GTF2H3: variants seen among roughly 807,000 people sequenced by gnomAD.
The protein encoded by GTF2H3 is general transcription factor IIH subunit 3.
Under a neutral mutation model 51.1 loss-of-function variants are expected in GTF2H3, and 42 were observed. The observed-to-expected ratio is 0.82, with a 90% confidence interval of 0.64 to 1.06. The LOEUF is 1.06. Ranked by LOEUF, GTF2H3 falls within the 50% of genes least tolerant of loss-of-function variation. The probability of loss-of-function intolerance (pLI) is 0.00; values close to 1 mark genes in which losing one functional copy is unlikely to be tolerated. For missense variants in GTF2H3, 326 were observed against 366.1 expected (o/e 0.89, Z 0.89); for synonymous variants, 123 against 123.8 (o/e 0.99, Z 0.04).
chr12:123,644,243 C>G (rs2135784765), intron 2 of GTF2H3, among the ~76,000 whole-genome samples: 1 of 152,122 alleles, frequency 6.6e-6, no homozygotes, highest in African/African-American at 2.4e-5. Flanking sequence ...TAGTTTGTTA[C>G]TAGAGAAGTT....
At position 123,640,006 on chromosome 12, in the gene GTF2H3, G is replaced by A. The variant is rs570459758; in HGVS notation, c.93+663G>A. The A allele has an allele frequency of 1.1e-3, 487 of 455,154 alleles. 1 individual carries two copies. Among genetic ancestry groups the A allele is most frequent in the Non-Finnish European group, 1.8e-3 (413 of 226,402 alleles). The allele number at this position is 455,154 out of a possible 1,614,324, so 28.2% of individuals were successfully genotyped here. On this transcript the variant is annotated intron_variant, in intron 2 of 12. Coordinates refer to ENST00000543341, the MANE Select transcript of GTF2H3 (RefSeq NM_001516.5). ...CCCGAGTACTTGGGACTACAGGTGC[G>A]TACCACCATGCTCAGCTAATTGTTT...
chr12:123,650,833 A>G (rs953168611), intron 4 of GTF2H3, among the ~76,000 whole-genome samples, 161 bp from the exon 5 acceptor site: 3 of 152,240 alleles, frequency 2.0e-5, no homozygotes, highest in Non-Finnish European at 4.4e-5. Context: ...TACCAAGAAC[A>G]CATTGCTATG....
At chr12:123,641,449 C>T (rs1220346872) in intron 2 of GTF2H3, among the ~76,000 whole-genome samples, 2 of 151,804 alleles carry the variant, frequency 1.3e-5, no homozygotes, top group Non-Finnish European at 2.9e-5. Context: ...TGATCTTGAA[C>T]TCCTGACCTC....
intron 1 of GTF2H3, among the ~76,000 whole-genome samples, chr12:123,637,476 A>G (rs968505142): frequency 6.6e-6 from 1 of 151,830 alleles, no homozygotes; most frequent in Non-Finnish European, 1.5e-5. Context: ...ATCTTGACGT[A>G]GGAATTGCTT....
chr12:123,634,477 A>G (rs913248073), intron 1 of GTF2H3, among the ~76,000 whole-genome samples: 4 of 152,350 alleles, frequency 2.6e-5, no homozygotes, highest in African/African-American at 9.6e-5. Context: ...TCAAAGGATG[A>G]AAAGAGCTAT....
At position 123,659,514 on chromosome 12, in the gene GTF2H3, A is replaced by G. The variant is rs1483408609; in HGVS notation, c.616-2A>G. On this transcript the variant is annotated splice_acceptor_variant, in intron 9 of 12. Coordinates refer to ENST00000543341, the MANE Select transcript of GTF2H3 (RefSeq NM_001516.5). LOFTEE classifies it high-confidence loss of function. ...TGGCAGCAAGCCGCCTGTGTCTTGC[A>G]GGCTTGTGACATCACGGGAGGACTG... 6.2e-7 allele frequency: 1 copy of G among 1,614,004 alleles called. No homozygotes were observed. The highest frequency in any genetic ancestry group is 1.3e-5 in the African/African-American group (1 of 74,944).
Position 123,660,054 on chromosome 12 carries a change from A to C in GTF2H3, c.829A>C (p.Asn277His). 6.2e-7 allele frequency: 1 copy of C among 1,602,244 alleles called. No homozygotes were observed. Among genetic ancestry groups the C allele is most frequent in the Non-Finnish European group, 8.5e-7 (1 of 1,177,186 alleles). The change falls in exon 12 of 13, where the codon AAT (asparagine) becomes CAT (histidine). Residue 277 changes from asparagine (N) to histidine (H), a missense_variant. Coordinates refer to ENST00000543341, the MANE Select transcript of GTF2H3 (RefSeq NM_001516.5). ...VCSVCLSIFC[N>H]FSPICTTCET... is the part of the protein sequence containing the mutation. ...TTTTTTTTAATTTACAGTATTCTGC[A>C]ATTTCAGCCCCATTTGTACTACGTG...
chr12:123,648,069 C>T lies in GTF2H3; in HGVS notation c.307C>T (p.Leu103Phe). Residue 103 changes from leucine to phenylalanine, a missense_variant, in exon 4 of 13, where the codon CTT (leucine) becomes TTT (phenylalanine). Leu to Phe is a conservative substitution (Grantham distance 22). Coordinates refer to ENST00000543341, the MANE Select transcript of GTF2H3 (RefSeq NM_001516.5). ...TGGGAGTAAAGATGGAAAATACGAA[C>T]TTTTAACCTCAGCAAATGAAGTTAT... ...PSGSKDGKYE[L>F]LTSANEVIVE... The T allele has an allele frequency of 1.2e-6, 2 of 1,611,690 alleles. No homozygotes were observed. The highest frequency in any genetic ancestry group is 1.7e-6 in the Non-Finnish European group (2 of 1,177,966).
At position 123,654,959 on chromosome 12, in the gene GTF2H3, T is replaced by C. The variant is rs749151812; in HGVS notation, c.522T>C (p.Tyr174=). The C allele has an allele frequency of 2.5e-6, 4 of 1,613,480 alleles. No individual in the cohort carries two copies. Among genetic ancestry groups the C allele is most frequent in the East Asian group, 2.2e-5 (1 of 44,896 alleles). Residue 174 remains tyrosine, a synonymous_variant, in exon 8 of 13, where the codon TAT becomes TAC. Coordinates refer to ENST00000543341, the MANE Select transcript of GTF2H3 (RefSeq NM_001516.5). ...IKAAEDSALQ[Y]MNFMNVIFAA... The stretch of plus-strand genomic sequence containing the variant: ...CTGCAGAAGACAGTGCGTTGCAGTA[T>C]ATGAACTTCATGAATGTCATCTTTG...
intron 1 of GTF2H3, among the ~76,000 whole-genome samples, chr12:123,638,932 ACTACAGG>A (rs1955327932): frequency 6.7e-6 from 1 of 150,358 alleles, no homozygotes; most frequent in South Asian, 2.1e-4. Flanking sequence ...AGTAGCTGGG[ACTACAGG>A]CGCCCACCAC....
rs770019312 is a variant in GTF2H3, at chr12:123,655,808, C to T, written c.599C>T (p.Ser200Leu). ...GATGCCTGTGTTTTAGACTCCGACT[C>T]AGGGCTCCTCCAACAGGTATGTTTT... is the stretch of plus-strand genomic sequence containing the variant. ...LIDACVLDSD[S>L]GLLQQACDIT... is the part of the protein sequence containing the mutation. The change falls in exon 9 of 13, where the codon TCA becomes TTA. Residue 200 changes from serine to leucine, a missense_variant. Coordinates refer to ENST00000543341, the MANE Select transcript of GTF2H3 (RefSeq NM_001516.5). 2 of 1,600,528 alleles carry T rather than the reference C, an allele frequency of 1.2e-6. No individual in the cohort carries two copies. The highest frequency in any genetic ancestry group is 1.7e-6 in the Non-Finnish European group (2 of 1,168,446).
intron 2 of GTF2H3, among the ~76,000 whole-genome samples, chr12:123,643,038 A>T (rs1426655697): frequency 6.6e-6 from 1 of 152,008 alleles, no homozygotes; most frequent in African/African-American, 2.4e-5. Context: ...TGCCCAGCTA[A>T]TTTTTTGTGT....
At chr12:123,637,983 T>TTTTG (rs202238371) in intron 1 of GTF2H3, among the ~76,000 whole-genome samples, 2,747 of 151,512 alleles carry the variant, frequency 0.018, 64 homozygotes, top group African/African-American at 0.058. Flanking sequence ...CAGTAGGTGG[T>TTTTG]TTTGTTTGTT....
chr12:123,657,688 A>T (rs918621986), intron 9 of GTF2H3, among the ~76,000 whole-genome samples: 1 of 152,190 alleles, frequency 6.6e-6, no homozygotes, highest in African/African-American at 2.4e-5. Flanking sequence ...CTCCACTAGA[A>T]CCTTAACTTC....
chr12:123,644,437 G>A (rs2135784950), intron 2 of GTF2H3, among the ~76,000 whole-genome samples: 1 of 152,230 alleles, frequency 6.6e-6, no homozygotes, highest in Admixed American at 6.5e-5. Context: ...GGAGGCCGAG[G>A]CGGGCGGATC....
At chr12:123,640,776 A>G (rs577502498) in intron 2 of GTF2H3, among the ~76,000 whole-genome samples, 4 of 152,190 alleles carry the variant, frequency 2.6e-5, no homozygotes, top group African/African-American at 9.7e-5. Context: ...CCTCACTCAT[A>G]AATTTATGTA....
At chr12:123,646,138 G>A (rs1172018203) in intron 3 of GTF2H3, among the ~76,000 whole-genome samples, 2 of 152,104 alleles carry the variant, frequency 1.3e-5, no homozygotes, top group Non-Finnish European at 2.9e-5. Context: ...CAGCTGATGT[G>A]TAAATGTGAC....
intron 1 of GTF2H3, among the ~76,000 whole-genome samples, chr12:123,636,913 G>A (rs889276186): frequency 2.4e-4 from 36 of 151,014 alleles, no homozygotes; most frequent in Admixed American, 2.2e-3. Flanking sequence ...GCAAAACTCC[G>A]TCTCAAAAAA....
chr12:123,649,427 G>A (rs1313382172), intron 4 of GTF2H3: 1 of 152,282 alleles, frequency 6.6e-6, no homozygotes, highest in Non-Finnish European at 1.5e-5. Context: ...GTGACAACCA[G>A]ATATGTCTGT....
Sources: allele counts gnomAD v4.1 joint callset (sites outside exome capture counted in the v4.1 genomes callset), GRCh38; gene constraint gnomAD v4.1.1; transcripts MANE v1.5; gene names NCBI Gene and HGNC (gene_info 2026-07-23, HGNC 2026-07-21).